ANKRD55: variants seen among roughly 807,000 people sequenced by gnomAD.
The protein encoded by ANKRD55 is ankyrin repeat domain-containing protein 55.
In ANKRD55, 41 loss-of-function variants were observed where a neutral mutation model predicts 60.6. That is an observed-to-expected ratio of 0.68 (90% CI 0.53 to 0.88). The LOEUF is 0.88. Ranked by LOEUF, ANKRD55 falls within the 40% of genes least tolerant of loss-of-function variation. The pLI, the probability that ANKRD55 is intolerant of heterozygous loss-of-function variation, is 0.00. For missense variants in ANKRD55, 732 were observed against 767.6 expected (o/e 0.95, Z 0.55); for synonymous variants, 264 against 290.3 (o/e 0.91, Z 0.92).
chr5:56,166,541 G>A (rs1352478392), intron 5 of ANKRD55, among the ~76,000 whole-genome samples: 2 of 152,040 alleles, frequency 1.3e-5, no homozygotes, highest in Non-Finnish European at 2.9e-5. Context: ...AGGATTACAG[G>A]TGTGAGCCAC....
chr5:56,222,642 G>C (rs144401877), intron 2 of ANKRD55, among the ~76,000 whole-genome samples: 14 of 152,116 alleles, frequency 9.2e-5, no homozygotes, highest in Non-Finnish European at 1.6e-4. Context: ...AATAAATAGC[G>C]TAGAGAAGAC....
intron 2 of ANKRD55, among the ~76,000 whole-genome samples, chr5:56,230,501 C>T (rs1360546084): frequency 6.6e-6 from 1 of 152,162 alleles, no homozygotes; most frequent in Non-Finnish European, 1.5e-5. Flanking sequence ...GACAGTACTG[C>T]TAGGGTTCAC....
intron 2 of ANKRD55, among the ~76,000 whole-genome samples, chr5:56,206,707 T>G (rs1181071397): frequency 6.6e-6 from 1 of 152,010 alleles, no homozygotes; most frequent in African/African-American, 2.4e-5. Flanking sequence ...GCACTCCAAA[T>G]AAGCATGGCT....
intron 5 of ANKRD55, among the ~76,000 whole-genome samples, chr5:56,166,297 G>A (rs573112514): frequency 1.5e-4 from 22 of 144,196 alleles, no homozygotes; most frequent in African/African-American, 5.2e-4. Flanking sequence ...TTGTGCTGTC[G>A]CCCAGGTTGG....
At chr5:56,123,344 C>T (rs1297494492) in intron 8 of ANKRD55, among the ~76,000 whole-genome samples, 2 of 151,964 alleles carry the variant, frequency 1.3e-5, no homozygotes, top group African/African-American at 2.4e-5. Flanking sequence ...ATTGTGTGGC[C>T]CCAGAATTAC....
chr5:56,118,951 G>C (rs753607115), intron 8 of ANKRD55, among the ~76,000 whole-genome samples: 1 of 152,176 alleles, frequency 6.6e-6, no homozygotes, highest in Non-Finnish European at 1.5e-5. Flanking sequence ...GGAGCAACTG[G>C]AACTTTCATA....
chr5:56,211,023 T>A (rs925619185), intron 2 of ANKRD55, among the ~76,000 whole-genome samples: 2 of 152,176 alleles, frequency 1.3e-5, no homozygotes, highest in African/African-American at 4.8e-5. Context: ...ACCCCAGATA[T>A]ACCCTCTCTG....
chr5:56,166,205 C>CCTTCCT (rs1758479257), intron 5 of ANKRD55, among the ~76,000 whole-genome samples: 2 of 141,948 alleles, frequency 1.4e-5, no homozygotes, highest in African/African-American at 2.7e-5. Context: ...TTCCTTCTCT[C>CCTTCCT]TCTCTCTCTC....
intron 7 of ANKRD55, chr5:56,137,495 G>T: frequency 1.3e-6 from 1 of 782,066 alleles, no homozygotes; most frequent in South Asian, 1.4e-5. Context: ...TATCCCAGAA[G>T]AAACTGAAGA....
intron 7 of ANKRD55, among the ~76,000 whole-genome samples, chr5:56,131,795 C>CAAAAAAAA (rs34898025): frequency 1.1e-4 from 3 of 26,784 alleles, no homozygotes; most frequent in East Asian, 1.1e-3. Flanking sequence ...GACTCCGTCT[C>CAAAAAAAA]AAAAAAAAAA....
chr5:56,141,154 T>G lies in ANKRD55; in HGVS notation c.612+2647A>C, dbSNP rs572723957. 2.8e-3 allele frequency among the ~76,000 whole-genome samples: 374 copies of G among 134,374 alleles called. 1 individual carries two copies. The highest frequency in any genetic ancestry group is 7.7e-3 in the African/African-American group (291 of 37,890). 88.2% of individuals were successfully genotyped at this position (134,374 alleles called of 152,430 possible). On this transcript the variant is annotated intron_variant, in intron 7 of 11. Transcript: ENST00000341048. ...AGTTTTTTTTTTTTTTTTTTTTATATAGAGATGGAGTCTTGCTATATTGCC... is the reference window on the plus strand; with the variant it reads ...AGTTTTTTTTTTTTTTTTTTTTATAGAGAGATGGAGTCTTGCTATATTGCC...
intron 8 of ANKRD55, among the ~76,000 whole-genome samples, chr5:56,120,219 T>G (rs1757001476): frequency 6.6e-6 from 1 of 152,090 alleles, no homozygotes; most frequent in Non-Finnish European, 1.5e-5. Context: ...GTATTTTTAG[T>G]AGAGACAGGG....
chr5:56,136,346 A>G (rs1267711884), intron 7 of ANKRD55, among the ~76,000 whole-genome samples: 1 of 152,234 alleles, frequency 6.6e-6, no homozygotes, highest in East Asian at 1.9e-4. Context: ...ACACTACTCA[A>G]CTTTAAGACT....
chr5:56,112,626 C>A (rs1167569198), intron 9 of ANKRD55, among the ~76,000 whole-genome samples: 3 of 151,434 alleles, frequency 2.0e-5, no homozygotes, highest in Non-Finnish European at 4.4e-5. Flanking sequence ...ATGCCCAATG[C>A]GCAGGCAAAT....
intron 6 of ANKRD55, among the ~76,000 whole-genome samples, chr5:56,157,519 T>C (rs1197176665): frequency 6.6e-6 from 1 of 152,222 alleles, no homozygotes; most frequent in Non-Finnish European, 1.5e-5. Flanking sequence ...CAATGGAATG[T>C]CTTGGTGTAA....
chr5:56,127,035 A>G lies in ANKRD55; in HGVS notation c.684T>C (p.Asp228=), dbSNP rs749055439. 2 of 1,613,960 alleles carry G rather than the reference A, an allele frequency of 1.2e-6. No individual in the cohort carries two copies. The highest frequency in any genetic ancestry group is 1.7e-6 in the Non-Finnish European group (2 of 1,179,948). ...TATGTACACATGTCTTCCCACTCTC[A>G]TCATCATAGTTGATTATGGACGGCC... ...HQGPSIINYD[D]ESGKTCVHIA... is the part of the protein sequence containing the mutation. Residue 228 remains aspartate, a synonymous_variant, in exon 8 of 12, where the codon GAT becomes GAC. Transcript: ENST00000341048.
chr5:56,173,653 T>C (rs1215350367), intron 4 of ANKRD55, among the ~76,000 whole-genome samples: 4 of 145,438 alleles, frequency 2.8e-5, no homozygotes, highest in African/African-American at 5.1e-5. Context: ...CAGGTGATTC[T>C]CCTGCCTCAG....
intron 2 of ANKRD55, among the ~76,000 whole-genome samples, chr5:56,204,441 G>A (rs1759454505): frequency 6.6e-6 from 1 of 152,156 alleles, no homozygotes; most frequent in Admixed American, 6.5e-5. Context: ...TTTTCTTCTA[G>A]GGTTTTCATA....
In ANKRD55 at chr5:56,209,247, G is replaced by A. The variant is rs1398975574; in HGVS notation, c.58+23609C>T. Among the ~76,000 whole-genome samples, 5 of 151,998 alleles carry A rather than the reference G, an allele frequency of 3.3e-5. No individual in the cohort carries two copies. The South Asian group carries it at 1.0e-3, about 32-fold the overall frequency. ...GCTGGGATTACAGGCATGAGCCATCGCTGCTGACCACTTAATATTAGATTA... is the reference window on the plus strand; with the variant it reads ...GCTGGGATTACAGGCATGAGCCATCACTGCTGACCACTTAATATTAGATTA... On this transcript the variant is annotated intron_variant, in intron 2 of 11. Transcript: ENST00000341048.
Sources: allele counts gnomAD v4.1 joint callset (sites outside exome capture counted in the v4.1 genomes callset), GRCh38; gene constraint gnomAD v4.1.1; transcripts MANE v1.5; gene names NCBI Gene and HGNC (gene_info 2026-07-23, HGNC 2026-07-21).